GRAMD2B: variants seen among roughly 807,000 people sequenced by gnomAD.
The protein encoded by GRAMD2B is GRAM domain-containing protein 2B.
A neutral mutation model predicts 59.2 loss-of-function variants in GRAMD2B; 41 were observed. The ratio of observed to expected loss-of-function variants is 0.69; its 90% CI spans 0.54 to 0.90. The LOEUF (loss-of-function observed/expected upper bound fraction) is 0.90, where lower values mean the gene tolerates loss of function less well. Ranked by LOEUF, GRAMD2B falls within the 40% of genes least tolerant of loss-of-function variation. GRAMD2B has a pLI of 0.00. For missense variants in GRAMD2B, 424 were observed against 500.5 expected (o/e 0.85, Z 1.46); for synonymous variants, 161 against 182.7 (o/e 0.88, Z 0.96).
intron 1 of GRAMD2B, among the ~76,000 whole-genome samples, chr5:126,364,841 A>G (rs930058872): frequency 1.3e-5 from 2 of 152,200 alleles, no homozygotes; most frequent in Non-Finnish European, 1.5e-5. Context: ...AATCTTTCTG[A>G]GATGTTTCAT....
chr5:126,388,869 G>A (rs1756439060), intron 1 of GRAMD2B, among the ~76,000 whole-genome samples: 1 of 152,012 alleles, frequency 6.6e-6, no homozygotes, highest in African/African-American at 2.4e-5. Context: ...AAAGAGGGTG[G>A]GGTGGGGGTG....
intron 5 of GRAMD2B, among the ~76,000 whole-genome samples, chr5:126,476,685 T>A (rs1396411367): frequency 6.6e-6 from 1 of 152,242 alleles, no homozygotes; most frequent in African/African-American, 2.4e-5. Context: ...CTATGTATGA[T>A]CATAATTAAA....
intron 1 of GRAMD2B, among the ~76,000 whole-genome samples, chr5:126,442,765 TCTTTA>T (rs1185238949): frequency 1.3e-4 from 20 of 152,258 alleles, no homozygotes; most frequent in Non-Finnish European, 2.6e-4. Context: ...TTACTTCTCT[TCTTTA>T]AAGATTTTTT....
At chr5:126,477,647 T>G in intron 5 of GRAMD2B, 45 bp from the exon 6 acceptor site, 1 of 1,017,822 alleles carries the variant, frequency 9.8e-7, no homozygotes, top group Non-Finnish European at 1.6e-6. Context: ...TGAAGTGCTG[T>G]TCTGTCAAGT....
rs546570918 is a variant in GRAMD2B, at chr5:126,361,253, A to C, written c.128+794A>C. Among the ~76,000 whole-genome samples, 3 of 152,286 alleles carry C rather than the reference A, an allele frequency of 2.0e-5. No homozygotes were observed. In the East Asian group the frequency reaches 5.8e-4, roughly 29 times the overall value. On this transcript the variant is annotated intron_variant, in intron 1 of 13. Transcript: ENST00000513040. ...TAGAATGTCTTCAGAAAGACATGTG[A>C]AGGGTACACATAAACACTGTGAAGA...
upstream of GRAMD2B, among the ~76,000 whole-genome samples, chr5:126,370,543 G>A (rs1369972246): frequency 3.3e-5 from 5 of 152,174 alleles, no homozygotes; most frequent in South Asian, 6.2e-4. Flanking sequence ...AACATTTGTC[G>A]CATGAAGAAA....
chr5:126,394,050 A>G (rs1247991186), intron 1 of GRAMD2B, among the ~76,000 whole-genome samples: 4 of 152,144 alleles, frequency 2.6e-5, no homozygotes, highest in Admixed American at 2.0e-4. Flanking sequence ...CAAGGCGGGC[A>G]GATCACGAGG....
At chr5:126,375,374 G>GTT (rs1010476382) in intron 1 of GRAMD2B, among the ~76,000 whole-genome samples, 3 of 144,534 alleles carry the variant, frequency 2.1e-5, no homozygotes, top group Non-Finnish European at 3.1e-5. Flanking sequence ...AAATCTTTTT[G>GTT]TTTTTTTTTT....
chr5:126,433,960 T>A (rs1293471478), intron 1 of GRAMD2B: 1 of 152,236 alleles, frequency 6.6e-6, no homozygotes, highest in Non-Finnish European at 1.5e-5. Flanking sequence ...TTGGCAAATC[T>A]TCTTCTTTTG....
At chr5:126,403,715 T>A (rs1467011267) in intron 1 of GRAMD2B, among the ~76,000 whole-genome samples, 1 of 151,944 alleles carries the variant, frequency 6.6e-6, no homozygotes, top group Non-Finnish European at 1.5e-5. Flanking sequence ...ATACTGAGTT[T>A]CCTCTTACTT....
In GRAMD2B at chr5:126,423,560, G is replaced by A. The variant is rs757441581; in HGVS notation, c.-47G>A. The A allele has an allele frequency of 2.5e-6, 4 of 1,592,616 alleles. No individual in the cohort carries two copies. In the South Asian group the frequency reaches 4.6e-5, roughly 18 times the overall value. On this transcript the variant is annotated 5_prime_UTR_variant, in exon 1 of 14. Transcript: ENST00000285689. ...CTAGAAGCCGGGACGAGCCGGGGCA[G>A]AGCCAGGCGCGCGGAAGTCTGAAGG...
At chr5:126,449,071 G>A (rs71586097) in intron 1 of GRAMD2B, among the ~76,000 whole-genome samples, 24,628 of 152,226 alleles carry the variant, frequency 0.16, 2,103 homozygotes, top group Non-Finnish European at 0.19. Context: ...TTTCCAAAGC[G>A]ATGCGTTTCA....
At chr5:126,400,782 C>G (rs1197074697) in intron 1 of GRAMD2B, among the ~76,000 whole-genome samples, 1 of 152,066 alleles carries the variant, frequency 6.6e-6, no homozygotes, top group Non-Finnish European at 1.5e-5. Context: ...CTACTCTCTC[C>G]TGGCATGCTA....
intron 1 of GRAMD2B, among the ~76,000 whole-genome samples, chr5:126,386,765 C>T (rs1303839740): frequency 2.6e-5 from 4 of 152,118 alleles, no homozygotes; most frequent in African/African-American, 9.7e-5. Flanking sequence ...TCAGATGGGG[C>T]TAATAGCATC....
chr5:126,484,378 C>T (rs1054438858), intron 9 of GRAMD2B, 24 bp from the exon 10 acceptor site: 1 of 1,609,002 alleles, frequency 6.2e-7, no homozygotes. Flanking sequence ...AGAACACTTA[C>T]CCAGCTCTGT....
At chr5:126,461,063 A>G (rs1484641854) in intron 1 of GRAMD2B, among the ~76,000 whole-genome samples, 4 of 152,174 alleles carry the variant, frequency 2.6e-5, no homozygotes, top group Non-Finnish European at 5.9e-5. Flanking sequence ...GGGACTCATC[A>G]CTGTAATTAG....
chr5:126,454,724 C>T (rs1349039652), intron 1 of GRAMD2B, among the ~76,000 whole-genome samples: 1 of 152,116 alleles, frequency 6.6e-6, no homozygotes, highest in Admixed American at 6.6e-5. Flanking sequence ...CAGATGGTGG[C>T]CTCTGCTAAA....
At chr5:126,367,692 C>A (rs116632084), upstream of GRAMD2B, among the ~76,000 whole-genome samples, 3 of 152,086 alleles carry the variant, frequency 2.0e-5, no homozygotes, top group Non-Finnish European at 4.4e-5. Context: ...ACTCTTATGG[C>A]CAAACTTTAA....
At chr5:126,456,031 T>C (rs910141204) in intron 1 of GRAMD2B, among the ~76,000 whole-genome samples, 1 of 152,246 alleles carries the variant, frequency 6.6e-6, no homozygotes, top group Admixed American at 6.5e-5. Flanking sequence ...AGCTCAAACA[T>C]TTGAAGATAG....
Sources: allele counts gnomAD v4.1 joint callset (sites outside exome capture counted in the v4.1 genomes callset), GRCh38; gene constraint gnomAD v4.1.1; transcripts MANE v1.5; gene names NCBI Gene and HGNC (gene_info 2026-07-23, HGNC 2026-07-21).